RNF150: variants seen among roughly 807,000 people sequenced by gnomAD.
RNF150 encodes the protein ring finger protein 150.
A neutral mutation model predicts 39.3 loss-of-function variants in RNF150; 24 were observed. The ratio of observed to expected loss-of-function variants is 0.61; its 90% confidence interval spans 0.44 to 0.86. The LOEUF is 0.86. RNF150 is among the 40% of genes least tolerant of loss of function. The pLI is 0.00. For synonymous variants in RNF150, 255 were observed against 227.3 expected (o/e 1.12, Z -1.10); for missense variants, 502 against 587.8 (o/e 0.85, Z 1.51).
chr4:141,206,727 T>C (rs973727155), intron 1 of RNF150, among the ~76,000 whole-genome samples: 9 of 151,930 alleles, frequency 5.9e-5, no homozygotes, highest in Non-Finnish European at 1.2e-4. Flanking sequence ...TATATGTATA[T>C]ATGAAAGTGA....
intron 2 of RNF150, among the ~76,000 whole-genome samples, chr4:140,951,551 GT>G (rs35787999): frequency 0.79 from 109,877 of 139,520 alleles, 42,800 homozygotes; most frequent in Non-Finnish European, 0.81. Context: ...TGTTGTTGTT[GT>G]TTTTTTTTTT....
At chr4:140,914,003 T>C (rs1451862029) in intron 5 of RNF150, among the ~76,000 whole-genome samples, 1 of 152,200 alleles carries the variant, frequency 6.6e-6, no homozygotes, top group African/African-American at 2.4e-5. Flanking sequence ...ACTGTGCAGG[T>C]TGTTCTTTTG....
chr4:140,928,616 G>A (rs1578976582), intron 4 of RNF150, among the ~76,000 whole-genome samples: 2 of 152,038 alleles, frequency 1.3e-5, no homozygotes, highest in Admixed American at 1.3e-4. Context: ...GCAAGATCTC[G>A]GCTCACTGCA....
At chr4:141,080,044 A>G (rs138008070) in intron 1 of RNF150, among the ~76,000 whole-genome samples, 1 of 109,818 alleles carries the variant, frequency 9.1e-6, no homozygotes, top group African/African-American at 3.0e-5. Context: ...TGTGCATTAC[A>G]CTGAAAAGTG....
chr4:140,930,828 G>C (rs1352236046), intron 4 of RNF150, among the ~76,000 whole-genome samples: 1 of 152,192 alleles, frequency 6.6e-6, no homozygotes, highest in Admixed American at 6.5e-5. Context: ...TCTGTGCTGA[G>C]AGCTGGGTAC....
At chr4:140,887,061 T>G in intron 6 of RNF150, among the ~76,000 whole-genome samples, 1 of 152,166 alleles carries the variant, frequency 6.6e-6, no homozygotes, top group Non-Finnish European at 1.5e-5. Context: ...ATCCCTAGAG[T>G]GATTTCCATT....
intron 6 of RNF150, among the ~76,000 whole-genome samples, chr4:140,900,802 G>C (rs1730161515): frequency 6.7e-6 from 1 of 148,970 alleles, no homozygotes; most frequent in African/African-American, 2.5e-5. Context: ...TTAAGTGTCA[G>C]GCACCAAGCT....
chr4:140,969,546 C>A (rs1323180783), intron 1 of RNF150, among the ~76,000 whole-genome samples: 1 of 152,100 alleles, frequency 6.6e-6, no homozygotes, highest in African/African-American at 2.4e-5. Context: ...GTATACTGGA[C>A]TAATCTGGCC....
chr4:141,172,385 C>T (rs1911516), intron 1 of RNF150, among the ~76,000 whole-genome samples: 57,025 of 152,048 alleles, frequency 0.38, 13,170 homozygotes, highest in Non-Finnish European at 0.5. Context: ...CAGGGCAGTG[C>T]GCTCTTCACA....
chr4:141,141,661 G>A (rs952018783), intron 1 of RNF150, among the ~76,000 whole-genome samples: 1 of 152,100 alleles, frequency 6.6e-6, no homozygotes, highest in Non-Finnish European at 1.5e-5. Flanking sequence ...AATTATCTGG[G>A]CGTGGTGGCA....
intron 5 of RNF150, among the ~76,000 whole-genome samples, chr4:140,923,610 C>A (rs1260859768): frequency 5.3e-5 from 8 of 152,260 alleles, no homozygotes; most frequent in African/African-American, 1.9e-4. Context: ...ACCCAGCCAT[C>A]CCATTACTGG....
chr4:141,096,408 G>A (rs985622252), intron 1 of RNF150, among the ~76,000 whole-genome samples: 1 of 151,828 alleles, frequency 6.6e-6, no homozygotes, highest in African/African-American at 2.4e-5. Flanking sequence ...ATGTTGGCCA[G>A]GCTGGTCTCG....
At chr4:140,870,906 T>G (rs945183843) in intron 6 of RNF150, among the ~76,000 whole-genome samples, 1 of 152,064 alleles carries the variant, frequency 6.6e-6, no homozygotes, top group Non-Finnish European at 1.5e-5. Flanking sequence ...CAGGAGAGAC[T>G]GGGAGTGGCT....
At chr4:141,170,629 C>T (rs1457087209) in intron 1 of RNF150, among the ~76,000 whole-genome samples, 1 of 152,062 alleles carries the variant, frequency 6.6e-6, no homozygotes, top group Non-Finnish European at 1.5e-5. Context: ...AGGGTCATAA[C>T]TTTCATTTCG....
intron 1 of RNF150, among the ~76,000 whole-genome samples, chr4:141,139,329 C>G (rs1019469538): frequency 6.6e-6 from 1 of 152,240 alleles, no homozygotes; most frequent in Non-Finnish European, 1.5e-5. Flanking sequence ...AGTTTAGAAT[C>G]TAGTTTTAGC....
chr4:141,118,258 A>T (rs933894104), intron 1 of RNF150, among the ~76,000 whole-genome samples: 4 of 152,198 alleles, frequency 2.6e-5, no homozygotes, highest in Admixed American at 2.6e-4. Context: ...AGGTTAGGTC[A>T]TACCCACCTG....
rs557596592 is a variant in RNF150, at chr4:140,921,139, C to T, written c.987+4838G>A. 4.8e-5 allele frequency among the ~76,000 whole-genome samples: 7 copies of T among 147,006 alleles called. No individual in the cohort carries two copies. In the East Asian group the frequency reaches 1.5e-3, roughly 31 times the overall value. On this transcript the variant is annotated intron_variant, in intron 5 of 6. Transcript: ENST00000515673. ...GGCACATGCATACATATGTAACTAA[C>T]CCGCACATTGTGCACATGTACCCTA...
intron 1 of RNF150, among the ~76,000 whole-genome samples, chr4:141,200,744 C>G (rs1463364109): frequency 2.0e-5 from 3 of 152,126 alleles, no homozygotes; most frequent in African/African-American, 7.2e-5. Context: ...AAGGGTAACT[C>G]ACATGGAGGT....
chr4:141,204,124 A>C (rs576974961), intron 1 of RNF150, among the ~76,000 whole-genome samples: 17 of 152,306 alleles, frequency 1.1e-4, no homozygotes, highest in African/African-American at 4.1e-4. Context: ...TATAGAGTCC[A>C]TTTGAAATAG....
Sources: allele counts gnomAD v4.1 joint callset (sites outside exome capture counted in the v4.1 genomes callset), GRCh38; gene constraint gnomAD v4.1.1; transcripts MANE v1.5; gene names NCBI Gene and HGNC (gene_info 2026-07-23, HGNC 2026-07-21).